Variants in CHRNA4 observed in about 807,000 individuals in gnomAD.
The protein encoded by CHRNA4 is cholinergic receptor nicotinic alpha 4 subunit.
Under a neutral mutation model 48.9 loss-of-function variants are expected in CHRNA4, and 28 were observed. That is an observed-to-expected ratio of 0.57 (90% CI 0.42 to 0.79). The LOEUF (loss-of-function observed/expected upper bound fraction) is 0.79. Among genes scored for constraint, CHRNA4 ranks in the 30% least tolerant of loss-of-function variants. The probability of loss-of-function intolerance (pLI) is 0.00; values close to 1 mark genes in which losing one functional copy is unlikely to be tolerated. For synonymous variants in CHRNA4, 425 were observed against 402.3 expected (o/e 1.06, Z -0.68); for missense variants, 859 against 898.4 (o/e 0.96, Z 0.56).
Position 63,349,772 on chromosome 20 carries a change from T to C in CHRNA4, c.1639A>G (p.Lys547Glu). The change falls in exon 5 of 6, where the codon AAG becomes GAG. Residue 547 changes from lysine to glutamate, a missense_variant. By Grantham distance (56) the Lys-to-Glu change is moderately conservative. This residue lies in a region of CHRNA4 where 478 missense variants were observed against 455.4 expected (regional missense o/e 1.05). Coordinates refer to ENST00000370263, the MANE Select transcript of CHRNA4 (RefSeq NM_000744.7). ...GGCGGCGCTTTGGTGCTGCGGGTCT[T>C]GACCGTGGCGCTCGGGGACACCGAA... ...PSSVSPSATV[K>E]TRSTKAPPPH... 1.2e-6 allele frequency: 2 copies of C among 1,611,152 alleles called. No individual in the cohort carries two copies. The highest frequency in any genetic ancestry group is 1.7e-6 in the Non-Finnish European group (2 of 1,178,734).
rs201053193 is a variant in CHRNA4, at chr20:63,344,773, G to A, written c.*1965C>T. The stretch of plus-strand genomic sequence containing the variant: ...GTCTCCTGCCAGCTTCCATGGCCCC[G>A]GGATGACCTCACTCTCCCAGGGTCT... On this transcript the variant is annotated 3_prime_UTR_variant, in exon 6 of 6. Transcript: ENST00000370263. The surrounding 1 kb of genome is among the most constrained non-coding windows in gnomAD (Gnocchi z 4.5). 4.6e-5 allele frequency: 21 copies of A among 453,960 alleles called. No homozygotes were observed. The highest frequency in any genetic ancestry group is 1.2e-4 in the South Asian group (8 of 64,478). The allele number at this position is 453,960 out of a possible 1,614,324, so 28.1% of individuals were successfully genotyped here. A position where few individuals can be genotyped will look rare whatever the true frequency, so the allele number is the denominator to read the frequency against.
intron 4 of CHRNA4, among the ~76,000 whole-genome samples, chr20:63,353,519 G>A (rs2068650097): frequency 8.4e-6 from 1 of 118,784 alleles, no homozygotes; most frequent in Admixed American, 7.9e-5. Context: ...GCGGTCCTGG[G>A]GGGCTGTGGT....
chr20:63,353,355 G>A (rs1046124094), intron 4 of CHRNA4, among the ~76,000 whole-genome samples: 8 of 151,838 alleles, frequency 5.3e-5, no homozygotes, highest in Non-Finnish European at 1.2e-4. Context: ...GAGAAAACTG[G>A]GGTCACCCCA....
At position 63,343,779 on chromosome 20, in the gene CHRNA4, C is replaced by A. The variant is rs1427890942; in HGVS notation, c.*2959G>T. 1 of 454,014 alleles carries A rather than the reference C, an allele frequency of 2.2e-6. No individual in the cohort carries two copies. Among genetic ancestry groups the A allele is most frequent in the Non-Finnish European group, 4.4e-6 (1 of 226,680 alleles). 28.1% of individuals were successfully genotyped at this position (454,014 alleles called of 1,614,324 possible). A position where few individuals can be genotyped will look rare whatever the true frequency, so the allele number is the denominator to read the frequency against. Reference sequence around the variant, plus strand: ...GGCCGGCGCCCCGGCAGGCTTCGAGCTGCAGCAGTGTCTCCCGCTGCCTGG... The same window carrying A: ...GGCCGGCGCCCCGGCAGGCTTCGAGATGCAGCAGTGTCTCCCGCTGCCTGG... On this transcript the variant is annotated 3_prime_UTR_variant, in exon 6 of 6. Coordinates refer to ENST00000370263, the MANE Select transcript of CHRNA4 (RefSeq NM_000744.7).
intron 2 of CHRNA4, among the ~76,000 whole-genome samples, chr20:63,358,967 G>A (rs1253395847): frequency 3.3e-5 from 5 of 152,148 alleles, no homozygotes; most frequent in Non-Finnish European, 1.5e-5. Flanking sequence ...GGCTCCATGT[G>A]CACTGGCCCA....
In CHRNA4 at chr20:63,359,426, C is replaced by T. The variant is rs374017103; in HGVS notation, c.228+122G>A. 5.5e-5 allele frequency: 71 copies of T among 1,294,316 alleles called. 1 individual carries two copies. The Admixed American group carries it at 6.4e-4, about 12-fold the overall frequency. The allele number at this position is 1,294,316 out of a possible 1,614,324, so 80.2% of individuals were successfully genotyped here. On this transcript the variant is annotated intron_variant, in intron 2 of 5. Transcript: ENST00000370263. The stretch of plus-strand genomic sequence containing the variant: ...TGGCTGTCGTTCTGACGTACCAGCC[C>T]GGGCCGGACACTCACAGCCACGGGG...
chr20:63,354,951 C>T (rs757076300), intron 4 of CHRNA4, among the ~76,000 whole-genome samples: 7 of 152,272 alleles, frequency 4.6e-5, no homozygotes, highest in East Asian at 1.9e-4. Context: ...AGGCCCTTCC[C>T]GCTGCCATTA....
At chr20:63,359,294 AACCTG>A in intron 2 of CHRNA4, 1 of 566,368 alleles carries the variant, frequency 1.8e-6, no homozygotes, top group Non-Finnish European at 3.2e-6. Flanking sequence ...CTGTACTGAG[AACCTG>A]GCCACTTGGA....
At chr20:63,358,581 C>T (rs1770488666) in intron 2 of CHRNA4, among the ~76,000 whole-genome samples, 1 of 152,328 alleles carries the variant, frequency 6.6e-6, no homozygotes. Context: ...CTGGAGCTGG[C>T]GGACTTCAGT....
rs2068812210 is a variant in CHRNA4 at position 63,361,089 on chromosome 20, C to T, written c.76+1G>A. On this transcript the variant is annotated splice_donor_variant, in intron 1 of 5. Coordinates refer to ENST00000370263, the MANE Select transcript of CHRNA4 (RefSeq NM_000744.7). LOFTEE classifies it high-confidence loss of function. ...GGCCCATCCCGCGCCCCGTAACTTACCGCGCAGGAGGCCGGTCCCCAGAAG... is the reference window on the plus strand; with the variant it reads ...GGCCCATCCCGCGCCCCGTAACTTATCGCGCAGGAGGCCGGTCCCCAGAAG... 1 of 1,463,996 alleles carries T rather than the reference C, an allele frequency of 6.8e-7. No individual in the cohort carries two copies. The highest frequency in any genetic ancestry group is 9.0e-7 in the Non-Finnish European group (1 of 1,112,586). 90.7% of individuals were successfully genotyped at this position (1,463,996 alleles called of 1,614,324 possible).
intron 1 of CHRNA4, 195 bp from the exon 2 acceptor site, chr20:63,359,894 G>A (rs1207628213): frequency 1.0e-5 from 5 of 499,330 alleles, no homozygotes; most frequent in Middle Eastern, 5.1e-4. Flanking sequence ...TGCCGGGCGT[G>A]TGCTGTGTGT....
Position 63,349,973 on chromosome 20 carries a change from CT to C in CHRNA4, c.1437del (p.Gly480AlafsTer85). The C allele has an allele frequency of 6.4e-7, 1 of 1,554,612 alleles. No homozygotes were observed. Among genetic ancestry groups the C allele is most frequent in the Non-Finnish European group, 8.7e-7 (1 of 1,148,592 alleles). On this transcript the variant is annotated frameshift_variant, in exon 5 of 6. Coordinates refer to ENST00000370263, the MANE Select transcript of CHRNA4 (RefSeq NM_000744.7). LOFTEE classifies it high-confidence loss of function. ...QHMSSPGEAV[E>X]GGVRCRSRSI... ...CTCCGAGACCGGCACCGGACGCCGC[CT>C]TCCACCGCTTCGCCAGGGCTGGACA...
At chr20:63,358,199 C>T (rs962635165) in intron 2 of CHRNA4, among the ~76,000 whole-genome samples, 4 of 152,178 alleles carry the variant, frequency 2.6e-5, no homozygotes, top group Admixed American at 6.5e-5. Context: ...CAACCCTGGA[C>T]GGGGCTGGCT....
At position 63,344,325 on chromosome 20, in the gene CHRNA4, GGGA is replaced by G; in HGVS notation, c.*2410_*2412del. 2.2e-6 allele frequency: 1 copy of G among 454,030 alleles called. No homozygotes were observed. The highest frequency in any genetic ancestry group is 2.3e-5 in the Admixed American group (1 of 42,562). The allele number at this position is 454,030 out of a possible 1,614,324, so 28.1% of individuals were successfully genotyped here. ...AGGGACGCCGACAGGAAGGGCTGGA[GGGA>G]CCTTCTAGGGGCTGGGTCTCCACTG... On this transcript the variant is annotated 3_prime_UTR_variant, in exon 6 of 6. Coordinates refer to ENST00000370263, the MANE Select transcript of CHRNA4 (RefSeq NM_000744.7). This position sits in a 1 kb window ranked among gnomAD's most constrained non-coding sequence, Gnocchi z 4.5.
chr20:63,356,278 C>T, intron 3 of CHRNA4, 93 bp downstream of exon 3: 1 of 796,200 alleles, frequency 1.3e-6, no homozygotes, highest in Non-Finnish European at 1.7e-6. Flanking sequence ...AGGGGTGGGG[C>T]AGGGCCAGGG....
chr20:63,348,804 G>A (rs936508963), intron 5 of CHRNA4, among the ~76,000 whole-genome samples: 51 of 130,808 alleles, frequency 3.9e-4, no homozygotes, highest in African/African-American at 1.3e-3. Context: ...CTCCCCCCAT[G>A]TGACAGGCAG....
rs1219151399 is a variant in CHRNA4 at position 63,351,120 on chromosome 20, C to G, written c.384-93G>C. 4.4e-6 allele frequency: 6 copies of G among 1,365,274 alleles called. No homozygotes were observed. In the African/African-American group the frequency reaches 4.5e-5, roughly 10 times the overall value. 84.6% of individuals were successfully genotyped at this position (1,365,274 alleles called of 1,614,324 possible). On this transcript the variant is annotated intron_variant, in intron 4 of 5. Coordinates refer to ENST00000370263, the MANE Select transcript of CHRNA4 (RefSeq NM_000744.7). Reference sequence around the variant, plus strand: ...TGCCACACCCATGCCCACGTCCACACCCACACCCACATCCACGCCCACATC... The same window carrying G: ...TGCCACACCCATGCCCACGTCCACAGCCACACCCACATCCACGCCCACATC...
rs2068722690 is a variant in CHRNA4, at chr20:63,356,597, G to A, written c.229-182C>T. On this transcript the variant is annotated intron_variant, in intron 2 of 5. Transcript: ENST00000370263. ...CAGCCGAGCCCAGGATGGGGACTCTGAGGGGACCTAGGGATGTGGGGACAA... is the reference window on the plus strand; with the variant it reads ...CAGCCGAGCCCAGGATGGGGACTCTAAGGGGACCTAGGGATGTGGGGACAA... The A allele has an allele frequency of 1.1e-5, 7 of 664,366 alleles. No homozygotes were observed. In the South Asian group the frequency reaches 1.2e-4, roughly 11 times the overall value. 41.2% of individuals were successfully genotyped at this position (664,366 alleles called of 1,614,324 possible). A position where few individuals can be genotyped will look rare whatever the true frequency, so the allele number is the denominator to read the frequency against.
At position 63,356,706 on chromosome 20, in the gene CHRNA4, T is replaced by C. The variant is rs1259922363; in HGVS notation, c.229-291A>G. 7.5e-6 allele frequency: 4 copies of C among 533,742 alleles called. No individual in the cohort carries two copies. In the East Asian group the frequency reaches 1.3e-4, roughly 17 times the overall value. The allele number at this position is 533,742 out of a possible 1,614,324, so 33.1% of individuals were successfully genotyped here. ...CAGCTAAGGACAGGTGTGGCGGGCA[T>C]GGGGAGCCTCCTTCTGCCCACCTGC... On this transcript the variant is annotated intron_variant, in intron 2 of 5. Transcript: ENST00000370263.
Sources: gnomAD v4.1 joint callset for allele counts (sites outside exome capture counted in the v4.1 genomes callset) on GRCh38, gnomAD v4.1.1 for gene constraint, gnomAD v4.1.1 regional missense constraint, Gnocchi (gnomAD v3.1) non-coding constraint, MANE v1.5 for transcripts, NCBI Gene and HGNC (gene_info 2026-07-23, HGNC 2026-07-21) for gene names.